The following DSCAML1 variants were observed in gnomAD, a reference collection of about 807,000 sequenced individuals.
The protein encoded by DSCAML1 is cell adhesion molecule DSCAML1.
DSCAML1 carries 38 observed loss-of-function variants against 200.5 expected under a neutral mutation model. The observed-to-expected ratio is 0.19, with a 90% CI of 0.15 to 0.25. The LOEUF (loss-of-function observed/expected upper bound fraction) is 0.25, where lower values mean the gene tolerates loss of function less well. Among genes scored for constraint, DSCAML1 ranks in the 10% least tolerant of loss-of-function variants. DSCAML1 has a pLI of 1.00. For synonymous variants in DSCAML1, 1,215 were observed against 1,165.0 expected (o/e 1.04, Z -0.87); for missense variants, 2,223 against 2,858.8 (o/e 0.78, Z 5.07).
At chr11:117,626,399 C>T (rs574276675) in intron 3 of DSCAML1, among the ~76,000 whole-genome samples, 4 of 152,310 alleles carry the variant, frequency 2.6e-5, no homozygotes, top group Non-Finnish European at 4.4e-5. Context: ...CATGCTGCTG[C>T]CTGATTGCTT....
At chr11:117,470,275 C>T (rs1333943782) in intron 15 of DSCAML1, among the ~76,000 whole-genome samples, 1 of 152,184 alleles carries the variant, frequency 6.6e-6, no homozygotes, top group African/African-American at 2.4e-5. Context: ...GAAGTGTCTG[C>T]TTCATAAAAG....
intron 3 of DSCAML1, among the ~76,000 whole-genome samples, chr11:117,744,094 T>C (rs1299669593): frequency 2.0e-5 from 3 of 152,210 alleles, no homozygotes; most frequent in African/African-American, 4.8e-5. Flanking sequence ...TCGATAATGA[T>C]TGTTTGCCAT....
chr11:117,462,477 CG>C (rs1309624482), intron 17 of DSCAML1, among the ~76,000 whole-genome samples: 1 of 152,186 alleles, frequency 6.6e-6, no homozygotes, highest in Non-Finnish European at 1.5e-5. Context: ...AAGCGCAAGA[CG>C]GAGTCTGCTT....
intron 3 of DSCAML1, among the ~76,000 whole-genome samples, chr11:117,675,348 A>G (rs1236578070): frequency 5.9e-5 from 9 of 152,076 alleles, no homozygotes; most frequent in African/African-American, 1.9e-4. Flanking sequence ...CTCAGGCTGG[A>G]ATGCTGTGGT....
intron 3 of DSCAML1, among the ~76,000 whole-genome samples, chr11:117,646,840 C>T (rs1156432144): frequency 9.7e-6 from 1 of 102,848 alleles, no homozygotes; most frequent in Non-Finnish European, 2.5e-5. Context: ...AAGAGGTCTC[C>T]TAGAGAGAGA....
At chr11:117,736,548 A>G (rs945893197) in intron 3 of DSCAML1, among the ~76,000 whole-genome samples, 4 of 152,240 alleles carry the variant, frequency 2.6e-5, no homozygotes, top group African/African-American at 4.8e-5. Flanking sequence ...GGTTAGGGTC[A>G]TGCTGAAGGC....
intron 3 of DSCAML1, among the ~76,000 whole-genome samples, chr11:117,564,776 C>T (rs11216454): frequency 1.2e-4 from 17 of 136,282 alleles, no homozygotes; most frequent in Admixed American, 1.2e-3. Context: ...TTTCTTTCTT[C>T]TTTCTTTTTG....
intron 1 of DSCAML1, among the ~76,000 whole-genome samples, chr11:117,808,934 G>A (rs2055732098): frequency 6.6e-6 from 1 of 152,168 alleles, no homozygotes; most frequent in African/African-American, 2.4e-5. Context: ...TCACAGATGA[G>A]AAAACTGAGG....
Position 117,503,985 on chromosome 11 carries a change from A to G in DSCAML1, c.2219T>C (p.Leu740Pro), listed in dbSNP as rs756052235. 1 of 1,614,056 alleles carries G rather than the reference A, an allele frequency of 6.2e-7. No individual in the cohort carries two copies. The highest frequency in any genetic ancestry group is 1.1e-5 in the South Asian group (1 of 91,056). Reference sequence around the variant, plus strand: ...GGGCAGGATCTGGATGCGGCCAGTGAGGGGCACAGGGTGGTACTGCTGGGG... The same window carrying G: ...GGGCAGGATCTGGATGCGGCCAGTGGGGGGCACAGGGTGGTACTGCTGGGG... Reference protein sequence around the residue: ...GNPQQYHPVPLTGRIQILPNS... With the variant: ...GNPQQYHPVPPTGRIQILPNS... The change falls in exon 11 of 33, where the codon CTC becomes CCC. Residue 740 changes from leucine (L) to proline (P), a missense_variant. Around this residue, in one of 7 missense-constraint regions of DSCAML1, gnomAD observed 212 missense variants for 368.0 expected, o/e 0.58. Transcript: ENST00000651296. The surrounding 1 kb of genome is among the most constrained non-coding windows in gnomAD (Gnocchi z 5.2).
At chr11:117,808,456 T>C (rs1257235827) in intron 1 of DSCAML1, among the ~76,000 whole-genome samples, 1 of 152,090 alleles carries the variant, frequency 6.6e-6, no homozygotes, top group Non-Finnish European at 1.5e-5. Flanking sequence ...GCATTTGCCA[T>C]CTCTGGGTCT....
intron 11 of DSCAML1, among the ~76,000 whole-genome samples, chr11:117,501,454 C>G (rs939479860): frequency 2.0e-5 from 3 of 152,170 alleles, no homozygotes; most frequent in Non-Finnish European, 4.4e-5. Flanking sequence ...CCTCCAACCC[C>G]AGACAGAGGC....
intron 3 of DSCAML1, among the ~76,000 whole-genome samples, chr11:117,680,029 C>A (rs1242635360): frequency 6.6e-6 from 1 of 152,154 alleles, no homozygotes; most frequent in Non-Finnish European, 1.5e-5. Flanking sequence ...ACTCTCAGCA[C>A]CTTTTGTCAC....
At chr11:117,763,433 G>A (rs2054841548) in intron 3 of DSCAML1, among the ~76,000 whole-genome samples, 1 of 151,862 alleles carries the variant, frequency 6.6e-6, no homozygotes, top group South Asian at 2.1e-4. Context: ...CCAGGAGGCT[G>A]AAGCCAGGGA....
At chr11:117,796,981 G>A (rs922797280) in intron 1 of DSCAML1, 53 bp downstream of exon 1, 6 of 1,247,052 alleles carry the variant, frequency 4.8e-6, no homozygotes, top group South Asian at 3.2e-5. Context: ...GCCGCCAGCC[G>A]CGCCACCCTG....
At chr11:117,548,690 CACCGT>C (rs2050421621) in intron 3 of DSCAML1, among the ~76,000 whole-genome samples, 2 of 152,134 alleles carry the variant, frequency 1.3e-5, no homozygotes, top group Non-Finnish European at 2.9e-5. Flanking sequence ...TTCCCGAGTG[CACCGT>C]TAGTTCTGGT....
intron 3 of DSCAML1, among the ~76,000 whole-genome samples, chr11:117,673,372 C>T (rs2053149111): frequency 6.6e-6 from 1 of 152,170 alleles, no homozygotes; most frequent in Admixed American, 6.5e-5. Flanking sequence ...ACTTCTCCAA[C>T]CAGAAGACAG....
chr11:117,806,156 A>G lies in DSCAML1; in HGVS notation c.-250+11234T>C, dbSNP rs1424062710. The stretch of plus-strand genomic sequence containing the variant: ...AGCTATGATGATGTGGCTGGGTTGG[A>G]TGATCTTTACAGTCTCACCTAGGGC... On this transcript the variant is annotated intron_variant, in intron 1 of 2. Transcript: ENST00000525836. Among the ~76,000 whole-genome samples the G allele has an allele frequency of 2.6e-5, 4 of 152,314 alleles. No homozygotes were observed. In the South Asian group the frequency reaches 8.3e-4, roughly 32 times the overall value.
intron 2 of DSCAML1, among the ~76,000 whole-genome samples, chr11:117,777,662 G>C (rs570090044): frequency 1.3e-5 from 2 of 152,284 alleles, no homozygotes; most frequent in East Asian, 3.9e-4. Context: ...CCTGGCTGCA[G>C]CCTCTACAGC....
rs146356057 is a variant in DSCAML1, at chr11:117,454,987, G to A, written c.3568+3767C>T. Among the ~76,000 whole-genome samples the A allele has an allele frequency of 3.2e-4, 49 of 152,272 alleles. No homozygotes were observed. In the East Asian group the frequency reaches 9.1e-3, roughly 28 times the overall value. ...CTTTCTAGTGCTGTTCAGCTTCTTG[G>A]CCACTTCCTCCAGATTCAGCAAATG... On this transcript the variant is annotated intron_variant, in intron 19 of 32. Transcript: ENST00000651296.
Sources: allele counts gnomAD v4.1 joint callset (sites outside exome capture counted in the v4.1 genomes callset), GRCh38; gene constraint gnomAD v4.1.1; regional missense constraint gnomAD v4.1.1; non-coding constraint Gnocchi (gnomAD v3.1); transcripts MANE v1.5; gene names NCBI Gene and HGNC (gene_info 2026-07-23, HGNC 2026-07-21).